Variants in GABRB1 observed in about 807,000 individuals in gnomAD.
GABRB1 encodes the protein gamma-aminobutyric acid type A receptor subunit beta1.
In GABRB1, 17 loss-of-function variants were observed where a neutral mutation model predicts 51.6. That is an observed-to-expected ratio of 0.33 (90% confidence interval 0.23 to 0.49). GABRB1 has a LOEUF of 0.49. Among genes scored for constraint, GABRB1 ranks in the 20% least tolerant of loss-of-function variants. GABRB1 has a pLI of 0.99. For missense variants in GABRB1, 410 were observed against 600.6 expected (o/e 0.68, Z 3.32); for synonymous variants, 247 against 218.9 (o/e 1.13, Z -1.14).
intron 4 of GABRB1, among the ~76,000 whole-genome samples, chr4:47,163,086 G>C (rs148476302): frequency 6.6e-6 from 1 of 152,112 alleles, no homozygotes; most frequent in East Asian, 1.9e-4. Context: ...TAGTGTCAGA[G>C]GACCAAGGTT....
At chr4:47,100,207 G>A (rs531292880) in intron 3 of GABRB1, among the ~76,000 whole-genome samples, 9 of 150,672 alleles carry the variant, frequency 6.0e-5, no homozygotes, top group African/African-American at 2.2e-4. Flanking sequence ...TTAAGGAAAT[G>A]TTTAATCACA....
intron 3 of GABRB1, among the ~76,000 whole-genome samples, chr4:47,124,911 TAA>T (rs1716045175): frequency 6.6e-6 from 1 of 151,800 alleles, no homozygotes. Context: ...TAGAGGAAAA[TAA>T]AGAGAGAAAG....
intron 3 of GABRB1, among the ~76,000 whole-genome samples, chr4:47,124,834 G>A (rs1377013179): frequency 6.6e-6 from 1 of 151,960 alleles, no homozygotes. Flanking sequence ...AAAATGAAAA[G>A]GAGGAAGGAA....
chr4:47,058,602 C>G (rs1022550908), intron 3 of GABRB1, among the ~76,000 whole-genome samples: 1 of 152,058 alleles, frequency 6.6e-6, no homozygotes, highest in Non-Finnish European at 1.5e-5. Flanking sequence ...AAACCGTGCC[C>G]CCTTGGATTT....
At chr4:47,408,005 T>A (rs902192435) in intron 8 of GABRB1, among the ~76,000 whole-genome samples, 1 of 152,134 alleles carries the variant, frequency 6.6e-6, no homozygotes, top group Non-Finnish European at 1.5e-5. Flanking sequence ...GATGGGAGGA[T>A]GGCTTAAACC....
chr4:47,052,094 C>T (rs531018510), intron 3 of GABRB1, among the ~76,000 whole-genome samples: 3 of 152,146 alleles, frequency 2.0e-5, no homozygotes, highest in Non-Finnish European at 2.9e-5. Context: ...TGTGCCACTG[C>T]ACTCCAGCCT....
intron 3 of GABRB1, among the ~76,000 whole-genome samples, chr4:47,143,412 G>A (rs903844463): frequency 6.6e-6 from 1 of 151,724 alleles, no homozygotes; most frequent in Non-Finnish European, 1.5e-5. Context: ...AAAATGTCAA[G>A]TGTTTCTGAG....
At chr4:46,993,698 G>A (rs1353632751), upstream of GABRB1, 6 of 361,724 alleles carry the variant, frequency 1.7e-5, no homozygotes, top group Non-Finnish European at 3.1e-5. Flanking sequence ...GTGCCCGCGC[G>A]CTGAAGGTTC....
At chr4:46,999,864 C>A (rs1035411187) in intron 1 of GABRB1, among the ~76,000 whole-genome samples, 5 of 152,196 alleles carry the variant, frequency 3.3e-5, no homozygotes, top group African/African-American at 9.7e-5. Flanking sequence ...CCCAAATTTG[C>A]ACATGGGACC....
intron 5 of GABRB1, among the ~76,000 whole-genome samples, chr4:47,331,715 T>C (rs1725489526): frequency 1.3e-5 from 2 of 152,190 alleles, no homozygotes; most frequent in South Asian, 2.1e-4. Context: ...ACTAAGGAAC[T>C]TTTTGATTCA....
At chr4:47,259,020 A>G (rs1195596462) in intron 4 of GABRB1, among the ~76,000 whole-genome samples, 1 of 152,138 alleles carries the variant, frequency 6.6e-6, no homozygotes, top group Non-Finnish European at 1.5e-5. Context: ...ATGTCCATCC[A>G]TATGCAGTTG....
At chr4:47,019,549 TTC>T (rs142639522) in intron 1 of GABRB1, among the ~76,000 whole-genome samples, 12,654 of 128,742 alleles carry the variant, frequency 0.098, 727 homozygotes, top group Non-Finnish European at 0.13. Context: ...CAGGTTTAGT[TTC>T]TCTCTCTCTC....
At chr4:47,414,002 A>T (rs572731608) in intron 8 of GABRB1, among the ~76,000 whole-genome samples, 20 of 152,330 alleles carry the variant, frequency 1.3e-4, no homozygotes, top group Non-Finnish European at 2.4e-4. Context: ...GGCCACTTTT[A>T]TACGCATCTG....
chr4:47,118,631 T>C (rs1475724112), intron 3 of GABRB1, among the ~76,000 whole-genome samples: 1 of 152,160 alleles, frequency 6.6e-6, no homozygotes, highest in Non-Finnish European at 1.5e-5. Context: ...AAATACTTCC[T>C]GAATCTTTCT....
intron 4 of GABRB1, among the ~76,000 whole-genome samples, chr4:47,307,798 G>T (rs1316475772): frequency 1.3e-5 from 2 of 151,648 alleles, no homozygotes; most frequent in African/African-American, 4.8e-5. Context: ...TCTAGAGAAC[G>T]AATAGTTTCA....
intron 4 of GABRB1, among the ~76,000 whole-genome samples, chr4:47,179,246 G>A (rs915814718): frequency 3.3e-5 from 5 of 152,066 alleles, no homozygotes; most frequent in African/African-American, 1.2e-4. Flanking sequence ...TTAGTTTGCT[G>A]AGAATGATGA....
chr4:47,400,250 G>A (rs1728330156), intron 5 of GABRB1, among the ~76,000 whole-genome samples: 1 of 152,048 alleles, frequency 6.6e-6, no homozygotes, highest in Non-Finnish European at 1.5e-5. Context: ...GCTGTAATCA[G>A]ATATCTGTAA....
chr4:47,328,410 T>A (rs1031447155), intron 5 of GABRB1, among the ~76,000 whole-genome samples: 2 of 152,218 alleles, frequency 1.3e-5, no homozygotes, highest in Non-Finnish European at 2.9e-5. Flanking sequence ...TGAATGGTCT[T>A]GCCTAGGTTT....
intron 4 of GABRB1, among the ~76,000 whole-genome samples, chr4:47,234,708 C>A (rs1203911997): frequency 1.3e-5 from 2 of 152,116 alleles, no homozygotes; most frequent in Admixed American, 6.6e-5. Flanking sequence ...AGAAAAAATT[C>A]TCCCTTCACT....
Sources: gnomAD v4.1 joint callset for allele counts (sites outside exome capture counted in the v4.1 genomes callset) on GRCh38, gnomAD v4.1.1 for gene constraint, MANE v1.5 for transcripts, NCBI Gene and HGNC (gene_info 2026-07-23, HGNC 2026-07-21) for gene names.